Variants in USP15 observed in about 807,000 individuals in gnomAD.
USP15 encodes ubiquitin carboxyl-terminal hydrolase 15.
USP15 carries 18 observed loss-of-function variants against 127.1 expected under a neutral mutation model. That is an observed-to-expected ratio of 0.14 (90% CI 0.10 to 0.21). The LOEUF (loss-of-function observed/expected upper bound fraction) is 0.21, where lower values mean the gene tolerates loss of function less well. Ranked by LOEUF, USP15 falls within the 10% of genes least tolerant of loss-of-function variation. The probability of loss-of-function intolerance (pLI) is 1.00; values close to 1 mark genes in which losing one functional copy is unlikely to be tolerated. For synonymous variants in USP15, 364 were observed against 393.7 expected (o/e 0.92, Z 0.89); for missense variants, 805 against 1,159.9 (o/e 0.69, Z 4.44).
In USP15 at chr12:62,389,673, T is replaced by C. The variant is rs752695700; in HGVS notation, c.1626T>C (p.Ser542=). ...TCGCTATGGATGAAAACCTTAGTAG[T>C]ATTATGGAACGGGATGATATTTATG... ...RIFAMDENLS[S]IMERDDIYVF... is the part of the protein sequence containing the mutation. The change falls in exon 13 of 22, where the codon AGT becomes AGC. Residue 542 remains serine, a synonymous_variant. Coordinates refer to ENST00000280377, the MANE Select transcript of USP15 (RefSeq NM_001252078.2). The C allele has an allele frequency of 6.2e-6, 10 of 1,613,248 alleles. No homozygotes were observed. Among genetic ancestry groups the C allele is most frequent in the Non-Finnish European group, 2.5e-6 (3 of 1,179,540 alleles).
intron 2 of USP15, among the ~76,000 whole-genome samples, chr12:62,302,251 C>G (rs2064341380): frequency 6.6e-6 from 1 of 152,118 alleles, no homozygotes; most frequent in African/African-American, 2.4e-5. Flanking sequence ...CCTACAAAAG[C>G]TGATGCTAGA....
intron 2 of USP15, among the ~76,000 whole-genome samples, chr12:62,299,037 T>G (rs765545531): frequency 6.6e-6 from 1 of 152,162 alleles, no homozygotes; most frequent in African/African-American, 2.4e-5. Flanking sequence ...CCCCCCACTC[T>G]AGACAACTAC....
At chr12:62,280,224 A>C (rs531003307) in intron 1 of USP15, among the ~76,000 whole-genome samples, 1 of 152,272 alleles carries the variant, frequency 6.6e-6, no homozygotes, top group South Asian at 2.1e-4. Flanking sequence ...GAGGCTTAGT[A>C]ATGAGGAAAC....
intron 4 of USP15, among the ~76,000 whole-genome samples, chr12:62,319,775 A>G (rs1430028954): frequency 1.3e-5 from 2 of 152,238 alleles, no homozygotes; most frequent in African/African-American, 4.8e-5. Flanking sequence ...AAAAACATCT[A>G]GAAGAAATAT....
chr12:62,329,115 G>T (rs1355419880), intron 6 of USP15, among the ~76,000 whole-genome samples: 1 of 151,776 alleles, frequency 6.6e-6, no homozygotes, highest in Non-Finnish European at 1.5e-5. Flanking sequence ...TGAATAGTAG[G>T]CTGGGCATGG....
chr12:62,271,175 G>T (rs1480141401), intron 1 of USP15, among the ~76,000 whole-genome samples: 1 of 151,974 alleles, frequency 6.6e-6, no homozygotes. Context: ...CTAAAAGGAG[G>T]CTAAACTCAC....
At chr12:62,261,130 T>C (rs1205905390) in intron 1 of USP15, among the ~76,000 whole-genome samples, 2 of 152,096 alleles carry the variant, frequency 1.3e-5, no homozygotes, top group Non-Finnish European at 2.9e-5. Flanking sequence ...TCTTGTGCTT[T>C]AGTGGTGGCT....
At chr12:62,351,399 T>C (rs17097871) in intron 7 of USP15, among the ~76,000 whole-genome samples, 11,356 of 151,002 alleles carry the variant, frequency 0.075, 646 homozygotes, top group East Asian at 0.24. Flanking sequence ...ATATTACTTA[T>C]GATTTACTCA....
intron 3 of USP15, chr12:62,304,605 C>T (rs776466803): frequency 8.5e-5 from 33 of 387,634 alleles, no homozygotes; most frequent in Non-Finnish European, 1.5e-4. Context: ...GTTCCCCTAG[C>T]TATAATGCAG....
At chr12:62,335,365 G>A (rs530726710) in intron 6 of USP15, 34 of 1,427,896 alleles carry the variant, frequency 2.4e-5, no homozygotes, top group Middle Eastern at 1.8e-4. Context: ...TAAATGATGC[G>A]TTATCACTCA....
chr12:62,335,103 T>C (rs1261908800), intron 6 of USP15: 1 of 1,496,778 alleles, frequency 6.7e-7, no homozygotes. Flanking sequence ...TAATTCTAGG[T>C]AAGTGGTTTG....
At chr12:62,362,504 C>G (rs2066350713) in intron 8 of USP15, among the ~76,000 whole-genome samples, 1 of 152,080 alleles carries the variant, frequency 6.6e-6, no homozygotes, top group Non-Finnish European at 1.5e-5. Context: ...TTTTATTCTT[C>G]TGAGTATCAC....
chr12:62,402,072 A>G (rs184960161), intron 21 of USP15, among the ~76,000 whole-genome samples: 2 of 151,870 alleles, frequency 1.3e-5, no homozygotes, highest in East Asian at 1.9e-4. Flanking sequence ...AAGAAAATCA[A>G]TTCTGTTCTC....
intron 17 of USP15, 132 bp from the exon 18 acceptor site, chr12:62,392,140 C>A: frequency 1.4e-6 from 1 of 728,466 alleles, no homozygotes; most frequent in Non-Finnish European, 2.3e-6. Context: ...GTATATAAAT[C>A]TCAACTGAAA....
intron 3 of USP15, among the ~76,000 whole-genome samples, chr12:62,309,423 G>A (rs1210014620): frequency 6.6e-6 from 1 of 152,058 alleles, no homozygotes; most frequent in African/African-American, 2.4e-5. Context: ...TTGAGTCATT[G>A]AAAACCTTCC....
chr12:62,374,159 C>G (rs1214863220), intron 8 of USP15, among the ~76,000 whole-genome samples: 2 of 151,934 alleles, frequency 1.3e-5, no homozygotes, highest in East Asian at 3.8e-4. Flanking sequence ...TCCAAGATGA[C>G]TTTAACCATG....
chr12:62,322,232 A>T (rs1164625277), intron 5 of USP15, among the ~76,000 whole-genome samples: 1 of 152,070 alleles, frequency 6.6e-6, no homozygotes, highest in Non-Finnish European at 1.5e-5. Context: ...AGTTGAAGTG[A>T]TTCTCCTGCC....
chr12:62,328,504 ATTAAC>A, intron 6 of USP15: 1 of 215,856 alleles, frequency 4.6e-6, no homozygotes, highest in Non-Finnish European at 1.0e-5. Flanking sequence ...TCTAACAAAA[ATTAAC>A]TTAATTAAAA....
chr12:62,370,785 A>G (rs780700755), intron 8 of USP15, among the ~76,000 whole-genome samples: 1 of 152,102 alleles, frequency 6.6e-6, no homozygotes, highest in Non-Finnish European at 1.5e-5. Context: ...TCCCTCCAAT[A>G]TGTAACTGTT....
Sources: allele counts gnomAD v4.1 joint callset (sites outside exome capture counted in the v4.1 genomes callset), GRCh38; gene constraint gnomAD v4.1.1; transcripts MANE v1.5; gene names NCBI Gene and HGNC (gene_info 2026-07-23, HGNC 2026-07-21).